Variants in CCDC171 observed in about 807,000 individuals in gnomAD.
CCDC171 encodes the protein coiled-coil domain containing 171, also known as coiled-coil domain-containing protein 171.
A neutral mutation model predicts 168.2 loss-of-function variants in CCDC171; 177 were observed. The observed-to-expected ratio is 1.05, with a 90% confidence interval of 0.93 to 1.19. The LOEUF (loss-of-function observed/expected upper bound fraction) is 1.19, where lower values mean the gene tolerates loss of function less well. CCDC171 is among the 50% of genes most tolerant of loss of function. The probability of loss-of-function intolerance (pLI) is 0.00; values close to 1 mark genes in which losing one functional copy is unlikely to be tolerated. For missense variants in CCDC171, 1,991 were observed against 1,539.0 expected (o/e 1.29, Z -4.91); for synonymous variants, 687 against 540.8 (o/e 1.27, Z -3.75).
intron 24 of CCDC171, among the ~76,000 whole-genome samples, chr9:15,898,768 T>G (rs1821245259): frequency 6.6e-6 from 1 of 152,168 alleles, no homozygotes; most frequent in Non-Finnish European, 1.5e-5. Context: ...CTGTGTACGC[T>G]TTATCCAGCT....
chr9:15,902,281 T>TATATATATATATATAC (rs1554673437), intron 24 of CCDC171, among the ~76,000 whole-genome samples: 5 of 145,206 alleles, frequency 3.4e-5, no homozygotes, highest in African/African-American at 1.3e-4. Context: ...TATATATATA[T>TATATATATATATATAC]ACACACACAC....
intron 7 of CCDC171, among the ~76,000 whole-genome samples, chr9:15,627,547 C>T (rs141533878): frequency 6.6e-6 from 1 of 152,164 alleles, no homozygotes; most frequent in African/African-American, 2.4e-5. Context: ...CAAAGAACAT[C>T]TTTATTTCTG....
Position 15,715,195 on chromosome 9 carries a change from T to C in CCDC171, c.1319-6574T>C, listed in dbSNP as rs374648626. 2.6e-5 allele frequency among the ~76,000 whole-genome samples: 4 copies of C among 152,340 alleles called. 1 individual carries two copies. The highest frequency in any genetic ancestry group is 1.3e-4 in the Admixed American group (2 of 15,302). On this transcript the variant is annotated intron_variant, in intron 11 of 25. Coordinates refer to ENST00000380701, the MANE Select transcript of CCDC171 (RefSeq NM_173550.4). ...TCTCAAGCTTTGGTAAAGGAAGTGT[T>C]TTTTGAATTCTCCCAAGAGACGTAG...
chr9:15,680,775 G>A (rs1469003921), intron 10 of CCDC171, among the ~76,000 whole-genome samples: 1 of 152,168 alleles, frequency 6.6e-6, no homozygotes, highest in Non-Finnish European at 1.5e-5. Context: ...GGTTGAATCA[G>A]TAGTGGAGAA....
chr9:15,878,558 A>G (rs1818168318), intron 24 of CCDC171, among the ~76,000 whole-genome samples: 1 of 152,198 alleles, frequency 6.6e-6, no homozygotes, highest in Non-Finnish European at 1.5e-5. Context: ...GCCCTAGTGG[A>G]AAGCAGTGTG....
At chr9:16,022,602 C>A (rs1833196288) in intron 5 of CCDC171, 1 of 152,218 alleles carries the variant, frequency 6.6e-6, no homozygotes, top group Admixed American at 6.6e-5. Flanking sequence ...GCTTTTAAAT[C>A]CCCAAGAATG....
intron 25 of CCDC171, among the ~76,000 whole-genome samples, chr9:15,965,408 T>C (rs1436642931): frequency 6.6e-6 from 1 of 152,176 alleles, no homozygotes; most frequent in Non-Finnish European, 1.5e-5. Flanking sequence ...GGTAAGGTAA[T>C]GGTCAAGCGT....
At chr9:15,694,268 A>G (rs879349301) in intron 10 of CCDC171, among the ~76,000 whole-genome samples, 6 of 152,168 alleles carry the variant, frequency 3.9e-5, no homozygotes, top group Non-Finnish European at 5.9e-5. Flanking sequence ...GTATCTGTAG[A>G]TGATTCCCAA....
At chr9:16,084,699 C>T in the CCDC171 span, among the ~76,000 whole-genome samples, 1 of 152,146 alleles carries the variant, frequency 6.6e-6, no homozygotes, top group Non-Finnish European at 1.5e-5. Flanking sequence ...AGGAAGCAGG[C>T]CTGAGATAAA....
chr9:15,967,317 A>G (rs1830899510), intron 25 of CCDC171, among the ~76,000 whole-genome samples: 1 of 152,208 alleles, frequency 6.6e-6, no homozygotes, highest in Non-Finnish European at 1.5e-5. Flanking sequence ...GCAGTCAATA[A>G]TTTACAGGGC....
intron 23 of CCDC171, among the ~76,000 whole-genome samples, chr9:15,862,122 C>T (rs1201560341): frequency 1.3e-5 from 2 of 151,676 alleles, no homozygotes; most frequent in African/African-American, 4.8e-5. Flanking sequence ...TAGGGATTCC[C>T]TTGTTTGTAA....
intron 21 of CCDC171, among the ~76,000 whole-genome samples, chr9:15,799,725 T>C (rs1295062272): frequency 1.3e-5 from 2 of 150,796 alleles, no homozygotes; most frequent in Non-Finnish European, 3.0e-5. Context: ...TCTTTCTCTC[T>C]GTTTTTTTTG....
chr9:16,009,933 C>CT (rs1425324055), intron 3 of CCDC171, among the ~76,000 whole-genome samples: 1 of 152,130 alleles, frequency 6.6e-6, no homozygotes, highest in East Asian at 1.9e-4. Context: ...GCTGGCAACT[C>CT]TGTTAAAAAT....
chr9:15,724,955 G>A lies in CCDC171; in HGVS notation c.1671G>A (p.Gln557=). Reference sequence around the variant, plus strand: ...AAAGTGAACTGCAGAAGCTTTCCCAGGCTTTCCATAAGGATGCAGAGGTAT... The same window carrying A: ...AAAGTGAACTGCAGAAGCTTTCCCAAGCTTTCCATAAGGATGCAGAGGTAT... ...QSESELQKLS[Q]AFHKDAEEKL... The change falls in exon 14 of 26, where the codon CAG becomes CAA. Residue 557 remains glutamine (Q), a synonymous_variant. Transcript: ENST00000380701. 1 of 1,613,800 alleles carries A rather than the reference G, an allele frequency of 6.2e-7. No individual in the cohort carries two copies. Among genetic ancestry groups the A allele is most frequent in the South Asian group, 1.1e-5 (1 of 91,070 alleles).
At position 15,633,971 on chromosome 9, in the gene CCDC171, C is replaced by G. The variant is rs182332040; in HGVS notation, c.822+10558C>G. On this transcript the variant is annotated intron_variant, in intron 7 of 25. Coordinates refer to ENST00000380701, the MANE Select transcript of CCDC171 (RefSeq NM_173550.4). ...TTCTCACTCATAGGTGGGAATTGAA[C>G]AATGAGAACACATGGACACAGGGAA... is the stretch of plus-strand genomic sequence containing the variant. 2.4e-3 allele frequency among the ~76,000 whole-genome samples: 354 copies of G among 145,080 alleles called. 1 individual carries two copies. Among genetic ancestry groups the G allele is most frequent in the Non-Finnish European group, 4.1e-3 (276 of 66,882 alleles).
chr9:15,557,257 G>C (rs1284973731), intron 1 of CCDC171, among the ~76,000 whole-genome samples: 3 of 152,116 alleles, frequency 2.0e-5, no homozygotes, highest in Non-Finnish European at 4.4e-5. Context: ...TTTTAAAGTA[G>C]TTTTTTCCAA....
intron 23 of CCDC171, among the ~76,000 whole-genome samples, chr9:15,852,141 C>G (rs562762515): frequency 6.6e-6 from 1 of 151,860 alleles, no homozygotes; most frequent in East Asian, 1.9e-4. Context: ...ACCATGATAA[C>G]TTTCTGAGGA....
intron 4 of CCDC171, among the ~76,000 whole-genome samples, chr9:15,584,213 G>A (rs2041375762): frequency 6.6e-6 from 1 of 152,180 alleles, no homozygotes; most frequent in South Asian, 2.1e-4. Context: ...GTTTTGCTCA[G>A]CTGTCTGGGG....
At chr9:15,870,117 A>G (rs987839955) in intron 23 of CCDC171, among the ~76,000 whole-genome samples, 1 of 88,810 alleles carries the variant, frequency 1.1e-5, no homozygotes, top group Non-Finnish European at 2.8e-5. Flanking sequence ...ATAAAACTTT[A>G]TTTATAATAG....
Sources: allele counts gnomAD v4.1 joint callset (sites outside exome capture counted in the v4.1 genomes callset), GRCh38; gene constraint gnomAD v4.1.1; transcripts MANE v1.5; gene names NCBI Gene and HGNC (gene_info 2026-07-23, HGNC 2026-07-21).